The following WNK2 variants were observed in gnomAD, a reference collection of about 807,000 sequenced individuals.
The protein encoded by WNK2 is WNK lysine deficient protein kinase 2.
WNK2 carries 67 observed loss-of-function variants against 192.1 expected under a neutral mutation model. That is an observed-to-expected ratio of 0.35 (90% confidence interval 0.29 to 0.43). WNK2 has a LOEUF of 0.43. WNK2 is among the 20% of genes least tolerant of loss of function. The pLI is 1.00. For synonymous variants in WNK2, 1,439 were observed against 1,393.9 expected (o/e 1.03, Z -0.72); for missense variants, 2,698 against 3,089.7 (o/e 0.87, Z 3.01).
chr9:93,208,383 G>A (rs1833773896), intron 2 of WNK2, among the ~76,000 whole-genome samples: 1 of 152,198 alleles, frequency 6.6e-6, no homozygotes, highest in Admixed American at 6.5e-5. Flanking sequence ...TGAAAGGGAG[G>A]CCTCATTTTT....
intron 7 of WNK2, among the ~76,000 whole-genome samples, chr9:93,240,451 C>T (rs1036128475): frequency 6.6e-6 from 1 of 152,096 alleles, no homozygotes; most frequent in Non-Finnish European, 1.5e-5. Context: ...GTTGGGGGTA[C>T]CTTTCCGCCT....
rs58293954 is a variant in WNK2, at chr9:93,249,907, ATTTTTTT to A, written c.1834+2093_1834+2099del. On this transcript the variant is annotated intron_variant, in intron 8 of 29. Coordinates refer to ENST00000427277, the MANE Select transcript of WNK2 (RefSeq NM_006648.4). ...TCCCTAGAGGCAACAGATGCTACCA[ATTTTTTT>A]TTTTTTTTTTTTTTTTTTTAAAGAC... Among the ~76,000 whole-genome samples, 41 of 85,440 alleles carry A rather than the reference ATTTTTTT, an allele frequency of 4.8e-4. No homozygotes were observed. In the South Asian group the frequency reaches 5.6e-3, roughly 12 times the overall value. 56.1% of individuals were successfully genotyped at this position (85,440 alleles called of 152,430 possible). A position where few individuals can be genotyped will look rare whatever the true frequency, so the allele number is the denominator to read the frequency against.
intron 2 of WNK2, among the ~76,000 whole-genome samples, chr9:93,213,253 G>A (rs145999945): frequency 0.017 from 2,538 of 152,318 alleles, 61 homozygotes; most frequent in African/African-American, 0.058. Context: ...GGTAGCAGGT[G>A]ACAAGAGGGC....
chr9:93,195,699 C>CAAAAAAAAAAAAAA lies in WNK2; in HGVS notation c.681+10101_681+10114dup, dbSNP rs59357990. Among the ~76,000 whole-genome samples the CAAAAAAAAAAAAAA allele has an allele frequency of 8.4e-4, 35 of 41,668 alleles. 4 individuals carry two copies. The highest frequency in any genetic ancestry group is 3.5e-3 in the African/African-American group (30 of 8,598). The allele number at this position is 41,668 out of a possible 152,430, so 27.3% of individuals were successfully genotyped here. A position where few individuals can be genotyped will look rare whatever the true frequency, so the allele number is the denominator to read the frequency against. Reference sequence around the variant, plus strand: ...GGGCAACAGAGTAAAGACTTTGTCTCAAAAAAAAAAAAAAAAAAAAAAAAA... The same window carrying CAAAAAAAAAAAAAA: ...GGGCAACAGAGTAAAGACTTTGTCTCAAAAAAAAAAAAAAAAAAAAAAAAAAAAAAAAAAAAAAA... On this transcript the variant is annotated intron_variant, in intron 2 of 29. Transcript: ENST00000427277.
chr9:93,262,762 C>T lies in WNK2; in HGVS notation c.3410+43C>T, dbSNP rs756750422. 1.6e-5 allele frequency: 26 copies of T among 1,603,202 alleles called. No individual in the cohort carries two copies. In the Admixed American group the frequency reaches 2.7e-4, roughly 16 times the overall value. On this transcript the variant is annotated intron_variant, in intron 14 of 29. Coordinates refer to ENST00000427277, the MANE Select transcript of WNK2 (RefSeq NM_006648.4). ...CGACCTCGCAGGACGGGTGTAGGGG[C>T]GCAGGCCTGTACAGCCACTCAGCCT...
At chr9:93,203,930 A>C (rs1433438702) in intron 2 of WNK2, among the ~76,000 whole-genome samples, 1 of 151,992 alleles carries the variant, frequency 6.6e-6, no homozygotes, top group Admixed American at 6.5e-5. Context: ...GCCCTGTGGG[A>C]GGGATGTCCC....
At chr9:93,233,080 C>T (rs887609432) in intron 4 of WNK2, among the ~76,000 whole-genome samples, 12 of 151,458 alleles carry the variant, frequency 7.9e-5, no homozygotes, top group African/African-American at 2.9e-4. Context: ...CACCTGTAGT[C>T]CCAGCTACTT....
chr9:93,290,795 C>G (rs1341078102), intron 21 of WNK2, among the ~76,000 whole-genome samples: 1 of 152,234 alleles, frequency 6.6e-6, no homozygotes, highest in Admixed American at 6.5e-5. Flanking sequence ...TCCCTTGTGG[C>G]TCTTGGCTGC....
intron 19 of WNK2, among the ~76,000 whole-genome samples, chr9:93,280,830 A>G (rs1253593945): frequency 2.6e-5 from 4 of 152,178 alleles, no homozygotes; most frequent in Non-Finnish European, 5.9e-5. Context: ...ACATTCTTTG[A>G]ATTTTTCCAC....
intron 19 of WNK2, chr9:93,269,083 C>A: frequency 1.2e-6 from 1 of 809,362 alleles, no homozygotes. Context: ...TTCCTCTGTG[C>A]CGCACACCTG....
chr9:93,293,229 C>T (rs893082625), intron 23 of WNK2, 56 bp downstream of exon 23: 8 of 1,394,360 alleles, frequency 5.7e-6, no homozygotes, highest in South Asian at 4.9e-5. Flanking sequence ...GCACCCCTTC[C>T]CAGTTGTGAG....
Position 93,256,415 on chromosome 9 carries a change from G to A in WNK2, c.2151G>A (p.Met717Ile). ...APVLPPPSTP[M>I]PTGPGQPAPP... Reference sequence around the variant, plus strand: ...TGCTGCCGCCGCCCAGCACCCCCATGCCCACGGGCCCAGGCCAGCCAGCAC... The same window carrying A: ...TGCTGCCGCCGCCCAGCACCCCCATACCCACGGGCCCAGGCCAGCCAGCAC... The change falls in exon 10 of 30, where the codon ATG becomes ATA. Residue 717 changes from methionine to isoleucine, a missense_variant. This residue lies in a region of WNK2 where 893 missense variants were observed against 909.0 expected (regional missense o/e 0.98). Coordinates refer to ENST00000427277, the MANE Select transcript of WNK2 (RefSeq NM_006648.4). 1.3e-6 allele frequency: 2 copies of A among 1,539,864 alleles called. No homozygotes were observed. The highest frequency in any genetic ancestry group is 1.7e-6 in the Non-Finnish European group (2 of 1,148,394).
intron 19 of WNK2, among the ~76,000 whole-genome samples, chr9:93,271,147 A>G (rs1336936634): frequency 6.6e-6 from 1 of 152,252 alleles, no homozygotes; most frequent in Non-Finnish European, 1.5e-5. Context: ...CCCAGGTTCC[A>G]GTACACCTGT....
In WNK2 at chr9:93,230,899, G is replaced by A; in HGVS notation, c.866G>A (p.Arg289Gln). ...GTGAACCCCTGCAGATACCTGAAGC[G>A]GTTCAAGGTGATGAAGCCCAAGGTT... is the stretch of plus-strand genomic sequence containing the variant. ...TSGTLKTYLK[R>Q]FKVMKPKVLR... Residue 289 changes from arginine (R) to glutamine (Q), a missense_variant, in exon 4 of 30, where the codon CGG becomes CAG. Physicochemically the swap from Arg to Gln is conservative, Grantham distance 43 (BLOSUM62 1). Around this residue, in one of 7 missense-constraint regions of WNK2, gnomAD observed 230 missense variants for 501.1 expected, o/e 0.46. Coordinates refer to ENST00000427277, the MANE Select transcript of WNK2 (RefSeq NM_006648.4). 1 of 1,613,014 alleles carries A rather than the reference G, an allele frequency of 6.2e-7. No individual in the cohort carries two copies. Among genetic ancestry groups the A allele is most frequent in the Non-Finnish European group, 8.5e-7 (1 of 1,179,804 alleles).
At position 93,308,329 on chromosome 9, in the gene WNK2, G is replaced by A; in HGVS notation, c.6261G>A (p.Arg2087=). The change falls in exon 28 of 30, where the codon AGG becomes AGA. Residue 2087 remains arginine, a splice_region_variant and synonymous_variant. Transcript: ENST00000427277. ...CCTGGCCTGTGTGTGACTCCCCAGG[G>A]TCCTCCACCAGCAGCCTGGCCCCAG... ...RLCLGKEHSS[R]SSTSSLAPGP... is the part of the protein sequence containing the mutation. The A allele has an allele frequency of 3.2e-6, 5 of 1,553,118 alleles. No homozygotes were observed. Among genetic ancestry groups the A allele is most frequent in the Non-Finnish European group, 4.4e-6 (5 of 1,148,454 alleles).
intron 8 of WNK2, among the ~76,000 whole-genome samples, chr9:93,250,662 C>T (rs1842464744): frequency 6.6e-6 from 1 of 152,208 alleles, no homozygotes. Flanking sequence ...AGTGTCCTGA[C>T]CAAGCGGGGG....
At chr9:93,296,892 C>T (rs1387717597) in intron 23 of WNK2, among the ~76,000 whole-genome samples, 2 of 129,740 alleles carry the variant, frequency 1.5e-5, no homozygotes, top group East Asian at 4.7e-4. Context: ...CCTCCGCATC[C>T]TCCCTTCAGC....
intron 28 of WNK2, among the ~76,000 whole-genome samples, chr9:93,313,939 G>T (rs1854125037): frequency 6.6e-6 from 1 of 152,042 alleles, no homozygotes; most frequent in Non-Finnish European, 1.5e-5. Flanking sequence ...ACCAGCCTTT[G>T]CAATATGGCA....
chr9:93,209,138 CAT>C (rs1361344623), intron 2 of WNK2, among the ~76,000 whole-genome samples: 1 of 152,106 alleles, frequency 6.6e-6, no homozygotes, highest in African/African-American at 2.4e-5. Flanking sequence ...AGCAGAAGGA[CAT>C]AGACCTTTGA....
Sources: gnomAD v4.1 joint callset for allele counts (sites outside exome capture counted in the v4.1 genomes callset) on GRCh38, gnomAD v4.1.1 for gene constraint, gnomAD v4.1.1 regional missense constraint, MANE v1.5 for transcripts, NCBI Gene and HGNC (gene_info 2026-07-23, HGNC 2026-07-21) for gene names.